Variants in HDAC9 observed in about 807,000 individuals in gnomAD.
The protein encoded by HDAC9 is histone deacetylase 9, also known as MEF-2 interacting transcription repressor (MITR) protein.
A neutral mutation model predicts 139.4 loss-of-function variants in HDAC9; 41 were observed. That is an observed-to-expected ratio of 0.29 (90% CI 0.23 to 0.38). HDAC9 has a LOEUF of 0.38. Among genes scored for constraint, HDAC9 ranks in the 10% least tolerant of loss-of-function variants. The probability of loss-of-function intolerance (pLI) is 1.00; values close to 1 mark genes in which losing one functional copy is unlikely to be tolerated. For missense variants in HDAC9, 1,147 were observed against 1,297.0 expected, an observed-to-expected ratio of 0.88 and a Z score of 1.78; for synonymous variants, 517 against 476.2, an observed-to-expected ratio of 1.09 and a Z score of -1.12.
chr7:18,557,225 A>G (rs906731584), intron 2 of HDAC9, among the ~76,000 whole-genome samples: 1 of 151,908 alleles, frequency 6.6e-6, no homozygotes, highest in Admixed American at 6.6e-5. Flanking sequence ...ATCTAGATCT[A>G]TTCTCCATGT....
chr7:18,130,906 C>A (rs1451747741), intron 1 of HDAC9, among the ~76,000 whole-genome samples: 1 of 152,020 alleles, frequency 6.6e-6, no homozygotes, highest in Non-Finnish European at 1.5e-5. Context: ...TTCCCTACAC[C>A]ATTAGCAATG....
Position 19,000,842 on chromosome 7 carries a change from A to G in HDAC9, c.*4780A>G, listed in dbSNP as rs1293031842. 6.6e-6 allele frequency: 1 copy of G among 152,164 alleles called. No homozygotes were observed. The highest frequency in any genetic ancestry group is 1.5e-5 in the Non-Finnish European group (1 of 68,014). 9.4% of individuals were successfully genotyped at this position (152,164 alleles called of 1,614,324 possible). A position where few individuals can be genotyped will look rare whatever the true frequency, so the allele number is the denominator to read the frequency against. The stretch of plus-strand genomic sequence containing the variant: ...AAATTGCCAATATCTAAGCAATCAA[A>G]AGTTTCTGAAATCTCTGTTTCCTTA... On this transcript the variant is annotated 3_prime_UTR_variant, in exon 26 of 26. Transcript: ENST00000686413.
intron 21 of HDAC9, among the ~76,000 whole-genome samples, chr7:18,858,374 G>A (rs1415522745): frequency 1.8e-4 from 28 of 152,126 alleles, no homozygotes; most frequent in Admixed American, 1.8e-3. Context: ...ACCTCTTCAC[G>A]AGGCAGCAGG....
intron 1 of HDAC9, among the ~76,000 whole-genome samples, chr7:18,441,427 ATATATT>A (rs1288469011): frequency 6.6e-6 from 1 of 152,234 alleles, no homozygotes; most frequent in Admixed American, 6.5e-5. Flanking sequence ...GTTTAAATAA[ATATATT>A]TAGAAGTATT....
chr7:18,727,687 C>A lies in HDAC9; in HGVS notation c.1839C>A (p.His613Gln). ...AACACCGTCTCGTCTCCAGGACTCA[C>A]TCTTCCCCTGCTGCCTCTGTTTTAC... ...LEKHRLVSRT[H>Q]SSPAASVLPH... The change falls in exon 13 of 26, where the codon CAC (histidine) becomes CAA (glutamine). Residue 613 changes from histidine to glutamine, a missense_variant. Physicochemically the swap from His to Gln is conservative, Grantham distance 24. This residue lies in a region of HDAC9 where 256 missense variants were observed against 219.2 expected (regional missense o/e 1.17). Coordinates refer to ENST00000686413, the MANE Select transcript of HDAC9 (RefSeq NM_178425.4). 1.3e-6 allele frequency: 2 copies of A among 1,584,900 alleles called. No individual in the cohort carries two copies. Among genetic ancestry groups the A allele is most frequent in the Non-Finnish European group, 1.7e-6 (2 of 1,169,374 alleles).
At chr7:18,895,227 G>A (rs1801077421) in intron 22 of HDAC9, among the ~76,000 whole-genome samples, 1 of 152,116 alleles carries the variant, frequency 6.6e-6, no homozygotes, top group African/African-American at 2.4e-5. Context: ...TAGGGCTCAG[G>A]CCCCGCTAGG....
chr7:18,176,841 C>T (rs1447302074), intron 2 of HDAC9, among the ~76,000 whole-genome samples: 1 of 151,998 alleles, frequency 6.6e-6, no homozygotes, highest in Non-Finnish European at 1.5e-5. Context: ...TTGGATGTAT[C>T]TTACTTTGGC....
chr7:18,343,488 C>T (rs1782169114), intron 1 of HDAC9, among the ~76,000 whole-genome samples: 1 of 151,642 alleles, frequency 6.6e-6, no homozygotes, highest in Non-Finnish European at 1.5e-5. Flanking sequence ...GAAAATGTTG[C>T]CTAGTGTATG....
rs142238144 is a variant in HDAC9 at position 18,351,375 on chromosome 7, C to T, written c.-42+60860C>T. The stretch of plus-strand genomic sequence containing the variant: ...TTGTTTTCCAATTTCATTCTGTCTT[C>T]CAACATTTTGATCTCCCAGAGTTTT... On this transcript the variant is annotated intron_variant, in intron 1 of 3. Transcript: ENST00000413509. Among the ~76,000 whole-genome samples, 627 of 152,196 alleles carry T rather than the reference C, an allele frequency of 4.1e-3. 2 individuals carry two copies. The highest frequency in any genetic ancestry group is 6.8e-3 in the Middle Eastern group (2 of 294).
chr7:18,697,150 T>G (rs1584863678), intron 12 of HDAC9, among the ~76,000 whole-genome samples: 2 of 152,204 alleles, frequency 1.3e-5, no homozygotes, highest in South Asian at 4.1e-4. Context: ...CTTGTAAGGA[T>G]GGCCTAGCAG....
intron 1 of HDAC9, among the ~76,000 whole-genome samples, chr7:18,396,195 C>T (rs933711598): frequency 1.0e-4 from 15 of 146,062 alleles, no homozygotes; most frequent in Non-Finnish European, 2.2e-4. Flanking sequence ...TACCGAGGGA[C>T]ATTGTGTGCC....
intron 1 of HDAC9, among the ~76,000 whole-genome samples, chr7:18,113,670 T>C (rs916645191): frequency 6.6e-6 from 1 of 152,246 alleles, no homozygotes; most frequent in Non-Finnish European, 1.5e-5. Flanking sequence ...CACTCTTATT[T>C]GTATATGTAT....
At chr7:18,368,853 T>G (rs1784384008) in intron 1 of HDAC9, among the ~76,000 whole-genome samples, 1 of 152,080 alleles carries the variant, frequency 6.6e-6, no homozygotes, top group South Asian at 2.1e-4. Flanking sequence ...GGGTTGTAAC[T>G]GATGAACTCA....
At chr7:18,375,085 C>T (rs776152476) in intron 1 of HDAC9, among the ~76,000 whole-genome samples, 1 of 152,154 alleles carries the variant, frequency 6.6e-6, no homozygotes, top group African/African-American at 2.4e-5. Flanking sequence ...GTTATGTAAA[C>T]AAAGTTAATT....
At chr7:18,791,423 T>C (rs1436861415) in intron 16 of HDAC9, among the ~76,000 whole-genome samples, 1 of 152,234 alleles carries the variant, frequency 6.6e-6, no homozygotes, top group African/African-American at 2.4e-5. Context: ...TGGTAAATAA[T>C]GGTTTTTATT....
intron 12 of HDAC9, among the ~76,000 whole-genome samples, chr7:18,703,033 G>T (rs971346566): frequency 6.6e-6 from 1 of 151,912 alleles, no homozygotes; most frequent in African/African-American, 2.4e-5. Context: ...ATGCTATAAG[G>T]AATCAAGAGA....
chr7:18,237,374 A>T (rs1232118568), intron 2 of HDAC9, among the ~76,000 whole-genome samples: 7 of 152,200 alleles, frequency 4.6e-5, no homozygotes, highest in African/African-American at 1.7e-4. Flanking sequence ...CTTGCTGTGG[A>T]GTGACTTCAA....
At chr7:18,234,865 A>G (rs1360957573) in intron 2 of HDAC9, among the ~76,000 whole-genome samples, 1 of 152,234 alleles carries the variant, frequency 6.6e-6, no homozygotes, top group African/African-American at 2.4e-5. Flanking sequence ...ACCTGTGGGA[A>G]CATTTGGAGA....
chr7:18,177,165 G>A (rs544108329), intron 2 of HDAC9, among the ~76,000 whole-genome samples: 1 of 152,000 alleles, frequency 6.6e-6, no homozygotes, highest in Non-Finnish European at 1.5e-5. Context: ...AAAGATTTGG[G>A]GTCTATATAA....
Sources: gnomAD v4.1 joint callset for allele counts (sites outside exome capture counted in the v4.1 genomes callset) on GRCh38, gnomAD v4.1.1 for gene constraint, gnomAD v4.1.1 regional missense constraint, MANE v1.5 for transcripts, NCBI Gene and HGNC (gene_info 2026-07-23, HGNC 2026-07-21) for gene names.